The following C6orf89 variants were observed in gnomAD, a reference collection of about 807,000 sequenced individuals.
C6orf89 encodes bombesin receptor-activated protein C6orf89.
C6orf89 carries 29 observed loss-of-function variants against 40.7 expected under a neutral mutation model. The ratio of observed to expected loss-of-function variants is 0.71; its 90% CI spans 0.53 to 0.97. C6orf89 has a LOEUF of 0.97. Among genes scored for constraint, C6orf89 ranks in the 50% least tolerant of loss-of-function variants. The pLI, the probability that C6orf89 is intolerant of heterozygous loss-of-function variation, is 0.00. For synonymous variants in C6orf89, 165 were observed against 152.2 expected (o/e 1.08, Z -0.62); for missense variants, 392 against 429.1 (o/e 0.91, Z 0.76).
At chr6:36,902,671 C>A (rs1018470974) in intron 4 of C6orf89, among the ~76,000 whole-genome samples, 2 of 152,188 alleles carry the variant, frequency 1.3e-5, no homozygotes, top group Non-Finnish European at 2.9e-5. Context: ...GAGCCAAATA[C>A]ACACCCCCAA....
intron 1 of C6orf89, among the ~76,000 whole-genome samples, chr6:36,893,210 A>C (rs1341076149): frequency 6.6e-6 from 1 of 151,798 alleles, no homozygotes; most frequent in Non-Finnish European, 1.5e-5. Context: ...CTGGGATTAC[A>C]GGCGTGAGCC....
At chr6:36,920,247 ACTCACC>A (rs1762467354) in intron 8 of C6orf89, among the ~76,000 whole-genome samples, 1 of 152,124 alleles carries the variant, frequency 6.6e-6, no homozygotes, top group South Asian at 2.1e-4. Context: ...CACATTGATG[ACTCACC>A]CTTGACCCTG....
chr6:36,907,851 C>A (rs1353579343), intron 4 of C6orf89, among the ~76,000 whole-genome samples: 1 of 152,174 alleles, frequency 6.6e-6, no homozygotes, highest in Non-Finnish European at 1.5e-5. Flanking sequence ...TAGTCAAAAG[C>A]CGTAAACTAG....
intron 1 of C6orf89, among the ~76,000 whole-genome samples, chr6:36,875,255 TATCTC>T (rs773780709): frequency 5.9e-5 from 9 of 152,344 alleles, no homozygotes; most frequent in East Asian, 5.8e-4. Flanking sequence ...TGCACTTTCT[TATCTC>T]ATCTACTCCA....
chr6:36,916,539 T>C lies in C6orf89; in HGVS notation c.790T>C (p.Ser264Pro). 6.2e-7 allele frequency: 1 copy of C among 1,614,216 alleles called. No homozygotes were observed. The highest frequency in any genetic ancestry group is 2.2e-5 in the East Asian group (1 of 44,888). ...AAAAGATGCCTCTTTAAACAAGTGC[T>C]CCTTTCTTCACCCAGAACCTGTTGT... ...FPKDASLNKCSFLHPEPVVGS... is the reference protein window; with the variant it reads ...FPKDASLNKCPFLHPEPVVGS... The change falls in exon 7 of 9, where the codon TCC becomes CCC. Residue 264 changes from serine (S) to proline (P), a missense_variant. Coordinates refer to ENST00000480824, the MANE Select transcript of C6orf89 (RefSeq NM_001286635.2).
Position 36,914,460 on chromosome 6 carries a change from C to T in C6orf89, c.555+25C>T, listed in dbSNP as rs1762242321. 17 of 1,613,476 alleles carry T rather than the reference C, an allele frequency of 1.1e-5. No homozygotes were observed. The South Asian group carries it at 1.6e-4, about 16-fold the overall frequency. The stretch of plus-strand genomic sequence containing the variant: ...GGTGAGCAGAAGCCTGAGTCTCCCG[C>T]TGATTGGCTGCTTGCTTAAAGGCTA... On this transcript the variant is annotated intron_variant, in intron 5 of 8. Coordinates refer to ENST00000480824, the MANE Select transcript of C6orf89 (RefSeq NM_001286635.2).
chr6:36,920,383 T>A (rs13192293), intron 8 of C6orf89, among the ~76,000 whole-genome samples: 18,935 of 152,244 alleles, frequency 0.12, 1,616 homozygotes, highest in African/African-American at 0.24. Context: ...AGCCGAGTTT[T>A]CTTGGAAGAA....
At chr6:36,916,422 T>C (rs755676166) in intron 6 of C6orf89, 23 bp from the exon 7 acceptor site, 1 of 1,613,138 alleles carries the variant, frequency 6.2e-7, no homozygotes, top group Non-Finnish European at 8.5e-7. Context: ...TAATTACTTT[T>C]TTTCTGTTTC....
intron 4 of C6orf89, among the ~76,000 whole-genome samples, chr6:36,905,089 A>G (rs1261236294): frequency 1.3e-5 from 2 of 152,228 alleles, no homozygotes; most frequent in Non-Finnish European, 2.9e-5. Flanking sequence ...ATAAACTGAC[A>G]GTTGTTTATT....
At chr6:36,911,509 A>T (rs1347473132) in intron 4 of C6orf89, among the ~76,000 whole-genome samples, 1 of 151,920 alleles carries the variant, frequency 6.6e-6, no homozygotes, top group African/African-American at 2.4e-5. Flanking sequence ...TAATAATAAT[A>T]ATAATTAAAT....
rs1429926759 is a variant in C6orf89 at position 36,916,440 on chromosome 6, T to C, written c.696-5T>C. The C allele has an allele frequency of 4.3e-6, 7 of 1,614,158 alleles. No individual in the cohort carries two copies. In the Admixed American group the frequency reaches 5.0e-5, roughly 12 times the overall value. ...TTACTTTTTTTCTGTTTCATACTTC[T>C]ACAGGAGGAGACCTCTGAACAGATC... On this transcript the variant is annotated splice_region_variant and splice_polypyrimidine_tract_variant and intron_variant, in intron 6 of 8. Transcript: ENST00000480824.
chr6:36,902,465 A>G (rs1227892581), intron 4 of C6orf89, 31 bp downstream of exon 4: 6 of 1,595,342 alleles, frequency 3.8e-6, no homozygotes, highest in Non-Finnish European at 5.2e-6. Context: ...CTTATTAGAT[A>G]TAGTTTTCTT....
At chr6:36,874,972 G>C in intron 1 of C6orf89, 1 of 596,720 alleles carries the variant, frequency 1.7e-6, no homozygotes, top group East Asian at 3.0e-5. Flanking sequence ...CTGGGCTCAA[G>C]AACAGAGGAA....
At chr6:36,873,962 G>A (rs1284380353) in intron 1 of C6orf89, among the ~76,000 whole-genome samples, 1 of 152,174 alleles carries the variant, frequency 6.6e-6, no homozygotes, top group Non-Finnish European at 1.5e-5. Flanking sequence ...GTCCTACTTT[G>A]TAAAGATCAC....
chr6:36,882,713 C>CTTTTTTTTTTTTTTTTT (rs1168220528), upstream of C6orf89, among the ~76,000 whole-genome samples: 2 of 115,452 alleles, frequency 1.7e-5, no homozygotes, highest in African/African-American at 3.0e-5. Flanking sequence ...TTGTCATTTT[C>CTTTTTTTTTTTTTTTTT]TTTTTTTTTT....
chr6:36,895,710 A>T (rs1466070586), intron 2 of C6orf89, among the ~76,000 whole-genome samples: 1 of 152,206 alleles, frequency 6.6e-6, no homozygotes, highest in Admixed American at 6.5e-5. Context: ...GTGATTTTGC[A>T]TTATATGGCT....
intron 1 of C6orf89, among the ~76,000 whole-genome samples, chr6:36,886,905 GA>G (rs1446221449): frequency 1.3e-5 from 2 of 152,142 alleles, no homozygotes; most frequent in Admixed American, 1.3e-4. Context: ...TTGAAGTTTT[GA>G]CTAAAGGTTC....
At position 36,924,987 on chromosome 6, in the gene C6orf89, C is replaced by G. The variant is rs1762632157; in HGVS notation, c.*1546C>G. On this transcript the variant is annotated 3_prime_UTR_variant, in exon 9 of 9. Coordinates refer to ENST00000480824, the MANE Select transcript of C6orf89 (RefSeq NM_001286635.2). The stretch of plus-strand genomic sequence containing the variant: ...GGGCTTGCAAAGGACAAGCAGAGTT[C>G]ACAGAGCTCAGGATAGAAACATCAG... The G allele has an allele frequency of 6.6e-6, 1 of 152,156 alleles. No individual in the cohort carries two copies. The highest frequency in any genetic ancestry group is 1.5e-5 in the Non-Finnish European group (1 of 68,046). 9.4% of individuals were successfully genotyped at this position (152,156 alleles called of 1,614,324 possible). A position where few individuals can be genotyped will look rare whatever the true frequency, so the allele number is the denominator to read the frequency against.
chr6:36,908,094 C>T (rs559918451), intron 4 of C6orf89, among the ~76,000 whole-genome samples: 13 of 152,200 alleles, frequency 8.5e-5, no homozygotes, highest in Non-Finnish European at 1.5e-4. Context: ...TCACCGTTTG[C>T]CCGTTCCTCT....
Sources: allele counts gnomAD v4.1 joint callset (sites outside exome capture counted in the v4.1 genomes callset), GRCh38; gene constraint gnomAD v4.1.1; transcripts MANE v1.5; gene names NCBI Gene and HGNC (gene_info 2026-07-23, HGNC 2026-07-21).